Variants in RRAS2 observed in about 807,000 individuals in gnomAD.
The protein encoded by RRAS2 is RAS related 2, also known as ras-related protein R-Ras2.
A neutral mutation model predicts 27.6 loss-of-function variants in RRAS2; 7 were observed. That is an observed-to-expected ratio of 0.25 (90% CI 0.14 to 0.48). The LOEUF is 0.48. RRAS2 is among the 20% of genes least tolerant of loss of function. The pLI is 0.99. For synonymous variants in RRAS2, 86 were observed against 90.9 expected, an observed-to-expected ratio of 0.95 and a Z score of 0.31; for missense variants, 178 against 256.2, an observed-to-expected ratio of 0.69 and a Z score of 2.08.
chr11:14,339,932 G>A (rs74723871), intron 1 of RRAS2, among the ~76,000 whole-genome samples: 2,465 of 151,858 alleles, frequency 0.016, 39 homozygotes, highest in South Asian at 0.039. Context: ...TGGGCAATAT[G>A]GAGAGACCCC....
chr11:14,296,831 G>C (rs548221636), intron 1 of RRAS2, among the ~76,000 whole-genome samples: 1 of 151,978 alleles, frequency 6.6e-6, no homozygotes, highest in African/African-American at 2.4e-5. Context: ...AAAAAAAAGG[G>C]GGGGGACAGT....
chr11:14,349,752 G>A (rs1020183905), intron 1 of RRAS2, among the ~76,000 whole-genome samples: 1 of 152,090 alleles, frequency 6.6e-6, no homozygotes, highest in Non-Finnish European at 1.5e-5. Context: ...TCTTTATCCT[G>A]AGGACAGAGT....
At chr11:14,361,806 T>G (rs1453499964), upstream of RRAS2, among the ~76,000 whole-genome samples, 1 of 152,248 alleles carries the variant, frequency 6.6e-6, no homozygotes, top group Non-Finnish European at 1.5e-5. Context: ...GAATGTTATA[T>G]ATAATAGCCA....
intron 1 of RRAS2, among the ~76,000 whole-genome samples, chr11:14,335,185 T>C (rs1323894453): frequency 2.0e-5 from 3 of 152,224 alleles, no homozygotes; most frequent in Non-Finnish European, 4.4e-5. Context: ...AGTCATCTTG[T>C]TCCTTTTCTT....
At chr11:14,297,146 TATCTCCTTTG>T (rs1847575364) in intron 1 of RRAS2, among the ~76,000 whole-genome samples, 3 of 152,226 alleles carry the variant, frequency 2.0e-5, no homozygotes, top group Admixed American at 6.5e-5. Flanking sequence ...TTGTTCTGAG[TATCTCCTTTG>T]ATCTACTTTG....
At chr11:14,294,953 A>G (rs111269466) in intron 2 of RRAS2, 91 bp from the exon 3 acceptor site, 1 of 1,007,874 alleles carries the variant, frequency 9.9e-7, no homozygotes, top group South Asian at 1.4e-5. Context: ...TCCTCTAGAG[A>G]GCCTCATACT....
rs1477081781 is a variant in RRAS2, at chr11:14,358,307, G to A, written c.108+456C>T. The A allele has an allele frequency of 1.8e-5, 18 of 985,514 alleles. No individual in the cohort carries two copies. The East Asian group carries it at 6.8e-4, about 37-fold the overall frequency. The allele number at this position is 985,514 out of a possible 1,614,324, so 61.0% of individuals were successfully genotyped here. ...CGGCGCGGGGAAGCCCGGAGACCAC[G>A]CGGAGCCGCGGCCAAGTTGCCACCG... On this transcript the variant is annotated intron_variant, in intron 1 of 5. Coordinates refer to ENST00000256196, the MANE Select transcript of RRAS2 (RefSeq NM_012250.6). The surrounding 1 kb of genome is among the most constrained non-coding windows in gnomAD (Gnocchi z 5.1).
intron 1 of RRAS2, among the ~76,000 whole-genome samples, chr11:14,344,792 C>T (rs1177368786): frequency 6.6e-6 from 1 of 152,086 alleles, no homozygotes; most frequent in Non-Finnish European, 1.5e-5. Context: ...TGGCTAAAAC[C>T]GAATGCTACG....
At chr11:14,344,243 A>G (rs1554953772) in intron 1 of RRAS2, among the ~76,000 whole-genome samples, 1 of 152,228 alleles carries the variant, frequency 6.6e-6, no homozygotes, top group Admixed American at 6.5e-5. Flanking sequence ...TACTCAAGCT[A>G]CTACAATCAT....
chr11:14,279,161 G>T lies in RRAS2; in HGVS notation c.*176C>A. On this transcript the variant is annotated 3_prime_UTR_variant, in exon 6 of 6. Coordinates refer to ENST00000256196, the MANE Select transcript of RRAS2 (RefSeq NM_012250.6). The stretch of plus-strand genomic sequence containing the variant: ...CAGCCTTAGTGTTTCCTTTAAATTT[G>T]TCTGGAAATGACCATTGTATTAGCT... The T allele has an allele frequency of 1.7e-6, 1 of 580,478 alleles. No homozygotes were observed. The highest frequency in any genetic ancestry group is 3.1e-6 in the Non-Finnish European group (1 of 322,876). 36.0% of individuals were successfully genotyped at this position (580,478 alleles called of 1,614,324 possible).
At chr11:14,322,012 G>T (rs1848234847) in intron 1 of RRAS2, among the ~76,000 whole-genome samples, 1 of 152,038 alleles carries the variant, frequency 6.6e-6, no homozygotes, top group Admixed American at 6.5e-5. Flanking sequence ...CTATTTAACA[G>T]TTACTATGCT....
chr11:14,339,308 G>GA (rs1848652307), intron 1 of RRAS2, among the ~76,000 whole-genome samples: 2 of 87,064 alleles, frequency 2.3e-5, no homozygotes, highest in Admixed American at 2.3e-4. Flanking sequence ...GGGGGGGGAA[G>GA]AAAAAATCTA....
chr11:14,330,000 A>G (rs868928923), intron 1 of RRAS2, among the ~76,000 whole-genome samples: 29 of 152,140 alleles, frequency 1.9e-4, no homozygotes, highest in African/African-American at 6.5e-4. Context: ...GCTTCAGCCC[A>G]AGAGTTCGAG....
intron 1 of RRAS2, among the ~76,000 whole-genome samples, chr11:14,324,989 C>T (rs1295252160): frequency 6.6e-6 from 1 of 152,158 alleles, no homozygotes; most frequent in African/African-American, 2.4e-5. Context: ...GTTCATAAAT[C>T]TCTAAGCACA....
intron 4 of RRAS2, among the ~76,000 whole-genome samples, chr11:14,286,329 T>G (rs1849660842): frequency 6.6e-6 from 1 of 152,186 alleles, no homozygotes; most frequent in African/African-American, 2.4e-5. Flanking sequence ...CTAAACACAT[T>G]CCTGAGCTTT....
chr11:14,340,704 C>T (rs1848687489), intron 1 of RRAS2, among the ~76,000 whole-genome samples: 2 of 152,134 alleles, frequency 1.3e-5, no homozygotes, highest in Non-Finnish European at 2.9e-5. Context: ...AAAGGATCCC[C>T]AATTTACACC....
intron 1 of RRAS2, among the ~76,000 whole-genome samples, chr11:14,333,790 C>G (rs941349337): frequency 6.6e-6 from 1 of 152,026 alleles, no homozygotes; most frequent in Non-Finnish European, 1.5e-5. Flanking sequence ...ACCACGGGCA[C>G]GTGCCAGCAT....
chr11:14,361,706 T>C (rs1056706146), upstream of RRAS2, among the ~76,000 whole-genome samples: 3 of 152,216 alleles, frequency 2.0e-5, no homozygotes, highest in Non-Finnish European at 4.4e-5. Flanking sequence ...AAAGATTAAA[T>C]GTAGAGTTAC....
intron 1 of RRAS2, among the ~76,000 whole-genome samples, chr11:14,327,733 A>T (rs1275548028): frequency 6.6e-6 from 1 of 152,206 alleles, no homozygotes; most frequent in Non-Finnish European, 1.5e-5. Flanking sequence ...AAAAAGAAAA[A>T]CGTGCAGTAC....
Sources: allele counts gnomAD v4.1 joint callset (sites outside exome capture counted in the v4.1 genomes callset), GRCh38; gene constraint gnomAD v4.1.1; non-coding constraint Gnocchi (gnomAD v3.1); transcripts MANE v1.5; gene names NCBI Gene and HGNC (gene_info 2026-07-23, HGNC 2026-07-21).